PRKACB: variants seen among roughly 807,000 people sequenced by gnomAD.
PRKACB encodes cAMP-dependent protein kinase catalytic subunit beta.
PRKACB carries 16 observed loss-of-function variants against 51.4 expected under a neutral mutation model. The observed-to-expected ratio is 0.31, with a 90% CI of 0.21 to 0.47. The LOEUF (loss-of-function observed/expected upper bound fraction) is 0.47, where lower values mean the gene tolerates loss of function less well. Ranked by LOEUF, PRKACB falls within the 20% of genes least tolerant of loss-of-function variation. PRKACB has a pLI of 1.00. For synonymous variants in PRKACB, 147 were observed against 154.4 expected (o/e 0.95, Z 0.35); for missense variants, 309 against 464.5 (o/e 0.67, Z 3.08).
chr1:84,156,052 G>T (rs996675634), intron 1 of PRKACB, among the ~76,000 whole-genome samples: 2 of 152,034 alleles, frequency 1.3e-5, no homozygotes, highest in Non-Finnish European at 2.9e-5. Context: ...GTAGTGGTGT[G>T]ATCATGGCTC....
chr1:84,093,675 T>G (rs12035258), intron 1 of PRKACB, among the ~76,000 whole-genome samples: 27,485 of 151,890 alleles, frequency 0.18, 2,780 homozygotes, highest in South Asian at 0.25. Flanking sequence ...ATTGAATATA[T>G]AGTAGTTTGA....
intron 9 of PRKACB, among the ~76,000 whole-genome samples, chr1:84,222,800 G>A (rs1054113133): frequency 1.3e-5 from 2 of 152,058 alleles, no homozygotes; most frequent in African/African-American, 4.8e-5. Context: ...TTGGTGGCAG[G>A]GTTTGTTTTT....
chr1:84,159,024 C>T (rs1007760107), intron 1 of PRKACB, among the ~76,000 whole-genome samples: 1 of 152,102 alleles, frequency 6.6e-6, no homozygotes, highest in Non-Finnish European at 1.5e-5. Flanking sequence ...ACTACACTGT[C>T]TTGATTACTA....
In PRKACB at chr1:84,208,129, A is replaced by T. The variant is rs1671615502; in HGVS notation, c.906+5324A>T. On this transcript the variant is annotated intron_variant, in intron 8 of 9. Coordinates refer to ENST00000370685, the MANE Select transcript of PRKACB (RefSeq NM_182948.4). ...GTGATCCACCTGTCTTGGCGTCTCA[A>T]ATTACTGGGAGTAGTAATTTGAAGT... Among the ~76,000 whole-genome samples the T allele has an allele frequency of 2.0e-5, 3 of 152,348 alleles. No individual in the cohort carries two copies. In the South Asian group the frequency reaches 6.2e-4, roughly 32 times the overall value.
chr1:84,190,754 G>T (rs1005990174), intron 5 of PRKACB, among the ~76,000 whole-genome samples: 1 of 151,962 alleles, frequency 6.6e-6, no homozygotes, highest in African/African-American at 2.4e-5. Context: ...TTTTAGTATA[G>T]TTAAGTCTTG....
intron 1 of PRKACB, chr1:84,173,406 C>G (rs1660186455): frequency 7.1e-7 from 1 of 1,404,628 alleles, no homozygotes; most frequent in African/African-American, 1.4e-5. Context: ...TTATCGTAAG[C>G]TAAATTTTTA....
rs139854250 is a variant in PRKACB at position 84,144,517 on chromosome 1, C to A, written c.156C>A (p.Phe52Leu). The stretch of plus-strand genomic sequence containing the variant: ...CTCTGGAAAATGACAGCCTTCATTT[C>A]TCTGAACATACTGCCTTATGGGACA... ...KTALENDSLH[F>L]SEHTALWDRS... is the part of the protein sequence containing the mutation. Residue 52 changes from phenylalanine (F) to leucine (L), a missense_variant, in exon 1 of 10, where the codon TTC becomes TTA. Phe to Leu is a conservative substitution (Grantham distance 22). This residue lies in a region of PRKACB where 153 missense variants were observed against 190.2 expected (regional missense o/e 0.80). Transcript: ENST00000370685. The A allele has an allele frequency of 3.7e-6, 6 of 1,609,962 alleles. No homozygotes were observed. Among genetic ancestry groups the A allele is most frequent in the Non-Finnish European group, 5.1e-6 (6 of 1,178,616 alleles).
intron 5 of PRKACB, among the ~76,000 whole-genome samples, chr1:84,194,674 C>G (rs1248922271): frequency 6.6e-6 from 1 of 152,008 alleles, no homozygotes; most frequent in Non-Finnish European, 1.5e-5. Context: ...GCCTGTAATC[C>G]CAGGACTTTT....
chr1:84,078,225 C>A, exon 1 of PRKACB: 1 of 1,373,812 alleles, frequency 7.3e-7, no homozygotes, highest in Non-Finnish European at 1.0e-6. Flanking sequence ...ACTCACCGCT[C>A]TGACGGGTGC....
intron 1 of PRKACB, among the ~76,000 whole-genome samples, chr1:84,158,433 A>G (rs549661481): frequency 2.0e-5 from 3 of 152,268 alleles, no homozygotes; most frequent in Admixed American, 1.3e-4. Context: ...GATGTTGAGC[A>G]TATTTTCAAG....
intron 1 of PRKACB, among the ~76,000 whole-genome samples, chr1:84,109,358 A>G (rs1434009003): frequency 6.6e-6 from 1 of 151,916 alleles, no homozygotes; most frequent in Non-Finnish European, 1.5e-5. Context: ...GAGGGTTCTC[A>G]TTATTTCACA....
intron 1 of PRKACB, among the ~76,000 whole-genome samples, chr1:84,130,760 CT>C (rs1421621339): frequency 6.6e-6 from 1 of 152,076 alleles, no homozygotes; most frequent in Non-Finnish European, 1.5e-5. Context: ...AGCAATGCTG[CT>C]TTAAAAGAAA....
chr1:84,095,377 T>G (rs1557919760), intron 1 of PRKACB, among the ~76,000 whole-genome samples: 1 of 151,948 alleles, frequency 6.6e-6, no homozygotes. Flanking sequence ...ATTTGTGTAT[T>G]TTTTACCTTC....
rs572333888 is a variant in PRKACB at position 84,238,289 on chromosome 1, A to G, written c.*2984A>G. 1 of 152,722 alleles carries G rather than the reference A, an allele frequency of 6.5e-6. No individual in the cohort carries two copies. Among genetic ancestry groups the G allele is most frequent in the East Asian group, 1.9e-4 (1 of 5,188 alleles). The allele number at this position is 152,722 out of a possible 1,614,324, so 9.5% of individuals were successfully genotyped here. On this transcript the variant is annotated 3_prime_UTR_variant, in exon 10 of 10. Transcript: ENST00000370685. Reference sequence around the variant, plus strand: ...CCCACTGTTTTTTCTGCTTGTTGTAAGAATCAAATGAAATAATGTATGTGA... The same window carrying G: ...CCCACTGTTTTTTCTGCTTGTTGTAGGAATCAAATGAAATAATGTATGTGA...
intron 1 of PRKACB, among the ~76,000 whole-genome samples, chr1:84,175,302 A>G (rs1467252310): frequency 1.3e-5 from 2 of 151,776 alleles, no homozygotes; most frequent in South Asian, 2.1e-4. Flanking sequence ...CAGTAGATGT[A>G]CAAAGTAGTA....
At chr1:84,164,183 A>G (rs1571927775) in intron 1 of PRKACB, 4 of 1,099,088 alleles carry the variant, frequency 3.6e-6, no homozygotes, top group Admixed American at 3.0e-5. Flanking sequence ...ATTCTCTTCC[A>G]TAACACAGAA....
intron 8 of PRKACB, among the ~76,000 whole-genome samples, chr1:84,213,358 C>T (rs939285821): frequency 6.6e-6 from 1 of 152,006 alleles, no homozygotes; most frequent in Non-Finnish European, 1.5e-5. Flanking sequence ...ACAGTAATAA[C>T]CAGAAGTTAG....
At chr1:84,083,753 A>G (rs1647737509) in intron 1 of PRKACB, among the ~76,000 whole-genome samples, 1 of 152,124 alleles carries the variant, frequency 6.6e-6, no homozygotes, top group South Asian at 2.1e-4. Flanking sequence ...ATTGTGTTAA[A>G]TAGAAAAGTG....
At chr1:84,187,454 CT>C (rs1347838211) in intron 5 of PRKACB, among the ~76,000 whole-genome samples, 1 of 152,140 alleles carries the variant, frequency 6.6e-6, no homozygotes, top group Non-Finnish European at 1.5e-5. Flanking sequence ...AAAACATCAA[CT>C]TTCTTGGCTT....
Sources: gnomAD v4.1 joint callset for allele counts (sites outside exome capture counted in the v4.1 genomes callset) on GRCh38, gnomAD v4.1.1 for gene constraint, gnomAD v4.1.1 regional missense constraint, MANE v1.5 for transcripts, NCBI Gene and HGNC (gene_info 2026-07-23, HGNC 2026-07-21) for gene names.